Variants in CST8 observed in about 807,000 individuals in gnomAD.
The protein encoded by CST8 is cystatin 8, also known as cystatin-8.
Under a neutral mutation model 11.8 loss-of-function variants are expected in CST8, and 20 were observed. That is an observed-to-expected ratio of 1.70 (90% CI 1.20 to 2.47). The LOEUF (loss-of-function observed/expected upper bound fraction) is 2.47, where lower values mean the gene tolerates loss of function less well. CST8 is among the 30% of genes most tolerant of loss of function. The pLI is 0.00. For missense variants in CST8, 196 were observed against 167.2 expected (o/e 1.17, Z -0.95); for synonymous variants, 77 against 63.1 (o/e 1.22, Z -1.05).
the CST8 span, among the ~76,000 whole-genome samples, chr20:23,503,603 G>T: frequency 2.6e-5 from 4 of 152,166 alleles, no homozygotes; most frequent in East Asian, 7.7e-4. Flanking sequence ...TAGAGCTAAA[G>T]ACTGAGAAAT....
the CST8 span, among the ~76,000 whole-genome samples, chr20:23,506,933 A>G: frequency 3.3e-5 from 5 of 152,102 alleles, no homozygotes; most frequent in African/African-American, 9.7e-5. Context: ...TGGCTCTTGG[A>G]GCTTTCATCT....
chr20:23,505,112 T>C, the CST8 span, among the ~76,000 whole-genome samples: 26 of 151,454 alleles, frequency 1.7e-4, no homozygotes, highest in Non-Finnish European at 3.4e-4. Flanking sequence ...TAAATAGCTC[T>C]GGTAGATCCC....
At chr20:23,498,268 T>C (rs1988103377), downstream of CST8, among the ~76,000 whole-genome samples, 1 of 152,196 alleles carries the variant, frequency 6.6e-6, no homozygotes. Context: ...ATAGTTCAGA[T>C]GGTACATTTT....
At chr20:23,495,168 T>C (rs1988005396) in intron 3 of CST8, among the ~76,000 whole-genome samples, 1 of 152,218 alleles carries the variant, frequency 6.6e-6, no homozygotes, top group African/African-American at 2.4e-5. Context: ...TGTGTAGAAT[T>C]CCATGGTGTA....
Position 23,495,959 on chromosome 20 carries a change from AT to A in CST8, c.*46del, listed in dbSNP as rs1272199065. Reference sequence around the variant, plus strand: ...TCCAACCTCTGTGACTACTTTATCCATGAAAATGAAGCAATGGCAGGTGGGA... The same window carrying A: ...TCCAACCTCTGTGACTACTTTATCCAGAAAATGAAGCAATGGCAGGTGGGA... On this transcript the variant is annotated 3_prime_UTR_variant, in exon 4 of 4. Coordinates refer to ENST00000246012, the MANE Select transcript of CST8 (RefSeq NM_005492.4). The A allele has an allele frequency of 1.4e-6, 2 of 1,451,076 alleles. No individual in the cohort carries two copies. Among genetic ancestry groups the A allele is most frequent in the African/African-American group, 2.9e-5 (2 of 69,894 alleles). The allele number at this position is 1,451,076 out of a possible 1,614,324, so 89.9% of individuals were successfully genotyped here. A position where few individuals can be genotyped will look rare whatever the true frequency, so the allele number is the denominator to read the frequency against.
the CST8 span, among the ~76,000 whole-genome samples, chr20:23,502,381 C>T: frequency 6.6e-6 from 1 of 152,220 alleles, no homozygotes; most frequent in African/African-American, 2.4e-5. Context: ...AGCCTGTGTG[C>T]TCTTGCCTGC....
chr20:23,505,811 G>A, the CST8 span, among the ~76,000 whole-genome samples: 1 of 152,130 alleles, frequency 6.6e-6, no homozygotes, highest in African/African-American at 2.4e-5. Flanking sequence ...GCACTGACTC[G>A]AAATCTGCAT....
chr20:23,495,748 T>C, intron 3 of CST8, 83 bp from the exon 4 acceptor site: 1 of 1,076,990 alleles, frequency 9.3e-7, no homozygotes, highest in South Asian at 1.4e-5. Flanking sequence ...AACTGACACC[T>C]AGCAACAGGA....
At chr20:23,506,645 T>TA in the CST8 span, among the ~76,000 whole-genome samples, 6 of 151,884 alleles carry the variant, frequency 4.0e-5, no homozygotes, top group African/African-American at 7.3e-5. Context: ...TAGCAAAAAA[T>TA]AAAAAAATAA....
At chr20:23,497,485 A>T (rs1988077581), downstream of CST8, among the ~76,000 whole-genome samples, 1 of 152,246 alleles carries the variant, frequency 6.6e-6, no homozygotes, top group South Asian at 2.1e-4. Context: ...TGACAGAACT[A>T]GTAGCCCTCC....
rs747455247 is a variant in CST8, at chr20:23,491,788, T to C, written c.121T>C (p.Ser41Pro). 5.1e-5 allele frequency: 82 copies of C among 1,613,948 alleles called. No homozygotes were observed. The Admixed American group carries it at 8.2e-4, about 16-fold the overall frequency. The change falls in exon 2 of 4, where the codon TCA (serine) becomes CCA (proline). Residue 41 changes from serine to proline, a missense_variant. Transcript: ENST00000246012. ...GAGGAAATTAAAACCCGTCAATGCC[T>C]CAAATGCCAACGTGAAGCAGTGTCT... The part of the protein sequence containing the change: ...VLRKLKPVNA[S>P]NANVKQCLWF...
At chr20:23,496,021 T>C, downstream of CST8, 1 of 848,386 alleles carries the variant, frequency 1.2e-6, no homozygotes, top group Admixed American at 2.3e-5. Context: ...TGCATGCCTC[T>C]CTGCTTGGTG....
At chr20:23,501,971 T>C in the CST8 span, among the ~76,000 whole-genome samples, 14 of 152,214 alleles carry the variant, frequency 9.2e-5, no homozygotes, top group African/African-American at 3.4e-4. Context: ...TCCTGGAGGC[T>C]TTGTCACCTA....
intron 2 of CST8, among the ~76,000 whole-genome samples, chr20:23,492,307 C>T (rs1987912434): frequency 6.6e-6 from 1 of 152,222 alleles, no homozygotes; most frequent in Non-Finnish European, 1.5e-5. Flanking sequence ...TTTAAATGGA[C>T]ATCACAAGTA....
chr20:23,504,412 C>T, the CST8 span, among the ~76,000 whole-genome samples: 1 of 152,114 alleles, frequency 6.6e-6, no homozygotes, highest in African/African-American at 2.4e-5. Context: ...AAAAGCTGAA[C>T]AGGAGCACTC....
At position 23,491,851 on chromosome 20, in the gene CST8, G is replaced by C. The variant is rs1016959529; in HGVS notation, c.184G>C (p.Asp62His). Residue 62 changes from aspartate to histidine, a missense_variant, in exon 2 of 4, where the codon GAC becomes CAC. Asp to His is a moderately conservative substitution (Grantham distance 81). Transcript: ENST00000246012. The part of the protein sequence containing the change: ...AMQEYNKESE[D>H]KYVFLVVKTL... ...GCAAGAATACAACAAAGAGAGCGAG[G>C]ACAAGTATGTCTTCCTGGTGGTCAA... 29 of 1,614,122 alleles carry C rather than the reference G, an allele frequency of 1.8e-5. No homozygotes were observed. The highest frequency in any genetic ancestry group is 2.4e-5 in the Non-Finnish European group (28 of 1,180,058).
chr20:23,499,426 C>T (rs770426306), downstream of CST8, among the ~76,000 whole-genome samples: 6 of 152,166 alleles, frequency 3.9e-5, no homozygotes, highest in South Asian at 2.1e-4. Context: ...ACACAACACA[C>T]GTGCATTCAC....
the CST8 span, among the ~76,000 whole-genome samples, chr20:23,503,884 G>A: frequency 2.6e-5 from 4 of 152,174 alleles, no homozygotes; most frequent in African/African-American, 4.8e-5. Flanking sequence ...ATGGCGGGCG[G>A]GTCAAGGAGG....
intron 3 of CST8, among the ~76,000 whole-genome samples, chr20:23,494,874 G>A (rs1018407437): frequency 6.6e-6 from 1 of 152,138 alleles, no homozygotes; most frequent in African/African-American, 2.4e-5. Context: ...GTAAATTCGT[G>A]TCACAGGGGT....
Sources: allele counts gnomAD v4.1 joint callset (sites outside exome capture counted in the v4.1 genomes callset), GRCh38; gene constraint gnomAD v4.1.1; transcripts MANE v1.5; gene names NCBI Gene and HGNC (gene_info 2026-07-23, HGNC 2026-07-21).